The following BMPER variants were observed in gnomAD, a reference collection of about 807,000 sequenced individuals.
BMPER encodes the protein BMP-binding endothelial regulator protein.
In BMPER, 45 loss-of-function variants were observed where a neutral mutation model predicts 87.3. The ratio of observed to expected loss-of-function variants is 0.52; its 90% confidence interval spans 0.41 to 0.66. BMPER has a LOEUF of 0.66. BMPER is among the 30% of genes least tolerant of loss of function. The pLI is 0.00. For synonymous variants in BMPER, 326 were observed against 316.2 expected, an observed-to-expected ratio of 1.03 and a Z score of -0.33; for missense variants, 784 against 867.5, an observed-to-expected ratio of 0.90 and a Z score of 1.21.
intron 6 of BMPER, among the ~76,000 whole-genome samples, chr7:33,995,675 G>C (rs1213457366): frequency 6.6e-6 from 1 of 152,154 alleles, no homozygotes; most frequent in African/African-American, 2.4e-5. Context: ...GGCAGCGTTG[G>C]TTCCATGAGG....
intron 3 of BMPER, among the ~76,000 whole-genome samples, chr7:33,948,492 T>C (rs1253873508): frequency 1.3e-5 from 2 of 152,304 alleles, no homozygotes; most frequent in African/African-American, 4.8e-5. Context: ...ATGTGGTTTG[T>C]CTCTGTGTCC....
intron 2 of BMPER, among the ~76,000 whole-genome samples, chr7:33,917,692 T>C (rs1784119146): frequency 1.3e-5 from 2 of 152,194 alleles, no homozygotes; most frequent in Non-Finnish European, 2.9e-5. Flanking sequence ...AGGAAGATAA[T>C]GATCATTGCA....
intron 8 of BMPER, among the ~76,000 whole-genome samples, chr7:34,054,428 G>T (rs1253806865): frequency 1.3e-5 from 2 of 152,178 alleles, no homozygotes; most frequent in East Asian, 3.9e-4. Context: ...AATTGAAGTT[G>T]GTTTATAATA....
At chr7:34,149,063 G>T (rs976536010) in intron 14 of BMPER, among the ~76,000 whole-genome samples, 1 of 152,088 alleles carries the variant, frequency 6.6e-6, no homozygotes, top group South Asian at 2.1e-4. Context: ...CTGCTCCCCC[G>T]TGCCTGTCCC....
chr7:33,967,476 A>C (rs1473661378), intron 4 of BMPER, among the ~76,000 whole-genome samples: 1 of 152,208 alleles, frequency 6.6e-6, no homozygotes, highest in Non-Finnish European at 1.5e-5. Flanking sequence ...ATATGCCATG[A>C]TAGGTATGCT....
chr7:34,054,981 T>G (rs1788244733), intron 8 of BMPER, among the ~76,000 whole-genome samples, 182 bp from the exon 9 acceptor site: 1 of 152,122 alleles, frequency 6.6e-6, no homozygotes, highest in Non-Finnish European at 1.5e-5. Context: ...GATATTCTAG[T>G]CTAGATACTT....
chr7:34,140,098 G>T (rs1321326941), intron 13 of BMPER, among the ~76,000 whole-genome samples: 2 of 152,162 alleles, frequency 1.3e-5, no homozygotes, highest in Non-Finnish European at 1.5e-5. Context: ...TTGCAGTTCT[G>T]GATCTGTGAT....
In BMPER at chr7:33,974,782, A is replaced by G. The variant is rs747424009; in HGVS notation, c.574A>G (p.Thr192Ala). ...EGSKCTKCSC[T>A]GGRTQCVREV... is the part of the protein sequence containing the mutation. ...AAGCAAATGTACCAAGTGTTCCTGC[A>G]CTGTAAGTCCTGCTGTGGATGTTCC... Residue 192 changes from threonine to alanine, a missense_variant and splice_region_variant, in exon 6 of 15, where the codon ACT becomes GCT. By Grantham distance (58) the Thr-to-Ala change is moderately conservative. Transcript: ENST00000649409. 20 of 1,613,798 alleles carry G rather than the reference A, an allele frequency of 1.2e-5. No homozygotes were observed. Among genetic ancestry groups the G allele is most frequent in the Middle Eastern group, 3.3e-4 (2 of 6,084 alleles).
At chr7:34,032,020 T>C (rs903354769) in intron 6 of BMPER, among the ~76,000 whole-genome samples, 5 of 147,406 alleles carry the variant, frequency 3.4e-5, no homozygotes, top group Admixed American at 6.9e-5. Flanking sequence ...TATATATATA[T>C]ATATAAAATA....
intron 6 of BMPER, among the ~76,000 whole-genome samples, chr7:34,039,473 G>T (rs181421732): frequency 1.9e-4 from 29 of 152,162 alleles, no homozygotes; most frequent in Admixed American, 3.9e-4. Flanking sequence ...CATCTAGCAG[G>T]TAGAGGCCAG....
chr7:34,130,052 C>A (rs920841786), intron 13 of BMPER, among the ~76,000 whole-genome samples: 1 of 151,890 alleles, frequency 6.6e-6, no homozygotes, highest in African/African-American at 2.4e-5. Context: ...GTGTTCTTGA[C>A]CCCCTCCTCT....
intron 13 of BMPER, among the ~76,000 whole-genome samples, chr7:34,123,088 A>G (rs1316305825): frequency 6.6e-6 from 1 of 152,190 alleles, no homozygotes; most frequent in Non-Finnish European, 1.5e-5. Flanking sequence ...TTACCCCCAC[A>G]ATTTTATTTC....
intron 13 of BMPER, among the ~76,000 whole-genome samples, chr7:34,090,466 C>T (rs1046986719): frequency 6.6e-6 from 1 of 152,080 alleles, no homozygotes; most frequent in African/African-American, 2.4e-5. Flanking sequence ...TAGGCAAACT[C>T]GCACCACAAA....
At chr7:34,042,264 T>C (rs1164335382) in intron 6 of BMPER, among the ~76,000 whole-genome samples, 4 of 152,194 alleles carry the variant, frequency 2.6e-5, no homozygotes, top group Non-Finnish European at 5.9e-5. Flanking sequence ...TTTGAACAAA[T>C]GACCATCTCT....
chr7:34,142,660 A>C (rs1790903495), intron 13 of BMPER, among the ~76,000 whole-genome samples: 1 of 152,238 alleles, frequency 6.6e-6, no homozygotes, highest in South Asian at 2.1e-4. Flanking sequence ...GTTCCTTAAA[A>C]GACTAAGATT....
At chr7:34,056,071 A>C (rs1372943870) in intron 9 of BMPER, among the ~76,000 whole-genome samples, 1 of 152,240 alleles carries the variant, frequency 6.6e-6, no homozygotes. Context: ...GGCATGCTGC[A>C]CTGAGCCACA....
intron 6 of BMPER, among the ~76,000 whole-genome samples, chr7:34,007,975 T>A (rs1280962504): frequency 6.6e-6 from 1 of 152,018 alleles, no homozygotes; most frequent in East Asian, 1.9e-4. Flanking sequence ...GTATTTTTAT[T>A]GTTTTTCTTG....
At chr7:33,920,300 T>G (rs868444090) in intron 2 of BMPER, among the ~76,000 whole-genome samples, 11 of 152,102 alleles carry the variant, frequency 7.2e-5, no homozygotes, top group African/African-American at 2.4e-4. Flanking sequence ...CTCTCAGATT[T>G]TAATGTGTGT....
intron 13 of BMPER, among the ~76,000 whole-genome samples, chr7:34,088,634 A>G (rs1789286451): frequency 6.6e-6 from 1 of 152,138 alleles, no homozygotes; most frequent in Non-Finnish European, 1.5e-5. Context: ...AACATCCTTT[A>G]TCGAAAGAAC....
Sources: gnomAD v4.1 joint callset for allele counts (sites outside exome capture counted in the v4.1 genomes callset) on GRCh38, gnomAD v4.1.1 for gene constraint, MANE v1.5 for transcripts, NCBI Gene and HGNC (gene_info 2026-07-23, HGNC 2026-07-21) for gene names.